ZNF804B: variants seen among roughly 807,000 people sequenced by gnomAD.
ZNF804B encodes zinc finger 804B.
A neutral mutation model predicts 101.4 loss-of-function variants in ZNF804B; 80 were observed. That is an observed-to-expected ratio of 0.79 (90% CI 0.66 to 0.95). The LOEUF (loss-of-function observed/expected upper bound fraction) is 0.95. ZNF804B is among the 40% of genes least tolerant of loss of function. The pLI is 0.00. For missense variants in ZNF804B, 1,673 were observed against 1,561.9 expected (o/e 1.07, Z -1.20); for synonymous variants, 622 against 558.8 (o/e 1.11, Z -1.59).
intron 2 of ZNF804B, among the ~76,000 whole-genome samples, chr7:89,285,202 G>A (rs1030821307): frequency 7.2e-5 from 11 of 151,934 alleles, no homozygotes; most frequent in Non-Finnish European, 1.2e-4. Context: ...TTGGGCAACA[G>A]AGCAAGACCC....
At chr7:89,160,227 A>G (rs370286515) in intron 1 of ZNF804B, among the ~76,000 whole-genome samples, 1 of 152,146 alleles carries the variant, frequency 6.6e-6, no homozygotes, top group Admixed American at 6.6e-5. Context: ...GCTTCACATG[A>G]TATTTTTGTT....
intron 1 of ZNF804B, among the ~76,000 whole-genome samples, chr7:89,034,940 A>G (rs568947480): frequency 1.2e-3 from 188 of 152,088 alleles, no homozygotes; most frequent in Admixed American, 3.5e-3. Flanking sequence ...AATGATCACC[A>G]CTGAGATGTT....
At chr7:88,813,529 C>G (rs1790825629) in intron 1 of ZNF804B, among the ~76,000 whole-genome samples, 1 of 151,602 alleles carries the variant, frequency 6.6e-6, no homozygotes, top group African/African-American at 2.4e-5. Flanking sequence ...AGGTTTCTTA[C>G]TGTAGTTGTT....
Position 89,335,409 on chromosome 7 carries a change from A to G in ZNF804B, c.2427A>G (p.Lys809=). The part of the protein sequence containing the change: ...RRYCHCRERQ[K]LGKNQQQFSG... ...ATTGTCACTGCAGAGAAAGACAAAA[A>G]CTGGGCAAAAATCAACAACAATTTT... The change falls in exon 4 of 4, where the codon AAA becomes AAG. Residue 809 remains lysine (K), a synonymous_variant. Coordinates refer to ENST00000333190, the MANE Select transcript of ZNF804B (RefSeq NM_181646.5). 3.7e-6 allele frequency: 6 copies of G among 1,613,818 alleles called. No homozygotes were observed. The highest frequency in any genetic ancestry group is 1.3e-5 in the African/African-American group (1 of 75,002).
intron 1 of ZNF804B, among the ~76,000 whole-genome samples, chr7:88,886,103 T>G (rs1792121551): frequency 6.6e-6 from 1 of 152,094 alleles, no homozygotes; most frequent in African/African-American, 2.4e-5. Flanking sequence ...AGGAGACGAA[T>G]TAGTTCAAAA....
intron 1 of ZNF804B, among the ~76,000 whole-genome samples, chr7:88,877,918 C>T (rs1359768988): frequency 6.6e-6 from 1 of 151,932 alleles, no homozygotes; most frequent in Non-Finnish European, 1.5e-5. Flanking sequence ...TTCTTCCTTA[C>T]AAAAATAGAG....
At chr7:88,914,721 T>C (rs1275221939) in intron 1 of ZNF804B, among the ~76,000 whole-genome samples, 1 of 152,230 alleles carries the variant, frequency 6.6e-6, no homozygotes, top group Non-Finnish European at 1.5e-5. Context: ...ACAGTACATT[T>C]TGGAAATTAA....
chr7:89,295,048 A>G (rs902883802), intron 2 of ZNF804B, among the ~76,000 whole-genome samples: 1 of 152,032 alleles, frequency 6.6e-6, no homozygotes, highest in Non-Finnish European at 1.5e-5. Context: ...TAATTTTTGT[A>G]TTTGAGAATT....
chr7:89,092,392 ATTTCT>A (rs1165388830), intron 1 of ZNF804B, among the ~76,000 whole-genome samples: 1 of 123,330 alleles, frequency 8.1e-6, no homozygotes. Context: ...TCTAACATTG[ATTTCT>A]TTTCTTTTCT....
intron 1 of ZNF804B, among the ~76,000 whole-genome samples, chr7:88,893,894 A>G (rs1792248429): frequency 6.6e-6 from 1 of 152,206 alleles, no homozygotes; most frequent in South Asian, 2.1e-4. Context: ...TTAATGTGGA[A>G]AAAGGATGAA....
chr7:89,237,360 G>A (rs1315603936), intron 2 of ZNF804B, among the ~76,000 whole-genome samples: 1 of 151,988 alleles, frequency 6.6e-6, no homozygotes, highest in Non-Finnish European at 1.5e-5. Flanking sequence ...TAGTTTTCTG[G>A]TTTCTGTCAC....
At chr7:89,137,312 TAA>T (rs140159647) in intron 1 of ZNF804B, among the ~76,000 whole-genome samples, 2,392 of 152,182 alleles carry the variant, frequency 0.016, 48 homozygotes, top group African/African-American at 0.054. Context: ...ATTTTTGTTA[TAA>T]AAAAGTATTA....
At chr7:88,945,216 C>A (rs1004923854) in intron 1 of ZNF804B, among the ~76,000 whole-genome samples, 2 of 151,630 alleles carry the variant, frequency 1.3e-5, no homozygotes, top group African/African-American at 4.8e-5. Flanking sequence ...GTTTTTATGG[C>A]TTTAGGTATT....
At chr7:89,313,274 CT>C (rs1401329260) in intron 2 of ZNF804B, among the ~76,000 whole-genome samples, 1 of 152,062 alleles carries the variant, frequency 6.6e-6, no homozygotes. Context: ...TAATTTTGAC[CT>C]TTTGCCTTGG....
At chr7:89,230,308 G>GGAGAGA (rs58208342) in intron 2 of ZNF804B, among the ~76,000 whole-genome samples, 3 of 149,028 alleles carry the variant, frequency 2.0e-5, no homozygotes, top group Non-Finnish European at 4.5e-5. Flanking sequence ...ATGGGGAGGG[G>GGAGAGA]GAGAGAGAGA....
chr7:88,853,546 T>A (rs571557600), intron 1 of ZNF804B, among the ~76,000 whole-genome samples: 1 of 152,216 alleles, frequency 6.6e-6, no homozygotes, highest in South Asian at 2.1e-4. Flanking sequence ...TCACATTCTA[T>A]TCCAAGATTT....
At chr7:89,013,720 T>A (rs959885703) in intron 1 of ZNF804B, among the ~76,000 whole-genome samples, 3 of 152,222 alleles carry the variant, frequency 2.0e-5, no homozygotes, top group Non-Finnish European at 2.9e-5. Flanking sequence ...GTAGTTCTCC[T>A]AACTAGCTGT....
intron 1 of ZNF804B, among the ~76,000 whole-genome samples, chr7:88,820,300 A>G (rs1247509603): frequency 3.9e-5 from 6 of 152,194 alleles, no homozygotes; most frequent in Non-Finnish European, 5.9e-5. Flanking sequence ...TGGTATGGGT[A>G]TAATATTTCA....
chr7:88,995,130 C>A (rs1793902704), intron 1 of ZNF804B, among the ~76,000 whole-genome samples: 1 of 151,982 alleles, frequency 6.6e-6, no homozygotes, highest in Non-Finnish European at 1.5e-5. Context: ...GTTCTGTTCT[C>A]CCTGTGCACA....
Sources: allele counts gnomAD v4.1 joint callset (sites outside exome capture counted in the v4.1 genomes callset), GRCh38; gene constraint gnomAD v4.1.1; transcripts MANE v1.5; gene names NCBI Gene and HGNC (gene_info 2026-07-23, HGNC 2026-07-21).